EPG5: variants seen among roughly 807,000 people sequenced by gnomAD.
EPG5 encodes the protein ectopic P granules protein 5 homolog.
Under a neutral mutation model 302.7 loss-of-function variants are expected in EPG5, and 159 were observed. The ratio of observed to expected loss-of-function variants is 0.53; its 90% CI spans 0.46 to 0.60. The LOEUF (loss-of-function observed/expected upper bound fraction) is 0.60, where lower values mean the gene tolerates loss of function less well. Ranked by LOEUF, EPG5 falls within the 20% of genes least tolerant of loss-of-function variation. The probability of loss-of-function intolerance (pLI) is 0.00; values close to 1 mark genes in which losing one functional copy is unlikely to be tolerated. For synonymous variants in EPG5, 1,158 were observed against 1,136.8 expected (o/e 1.02, Z -0.37); for missense variants, 2,896 against 3,092.4 (o/e 0.94, Z 1.51).
intron 30 of EPG5, among the ~76,000 whole-genome samples, chr18:45,883,641 T>TG: frequency 7.6e-6 from 1 of 132,110 alleles, no homozygotes; most frequent in East Asian, 2.1e-4. Flanking sequence ...TTTTTTTTTT[T>TG]GTACAGACAG....
chr18:45,946,126 C>G (rs1373219448), intron 7 of EPG5, among the ~76,000 whole-genome samples: 3 of 152,206 alleles, frequency 2.0e-5, no homozygotes, highest in Admixed American at 2.0e-4. Flanking sequence ...CAAGGGTGAT[C>G]TCGAGAAGCT....
the EPG5 span, chr18:45,842,228 G>C: frequency 6.2e-7 from 1 of 1,607,216 alleles, no homozygotes; most frequent in Non-Finnish European, 8.5e-7. Context: ...GCACTGTAAA[G>C]AACAAAGGCC....
chr18:45,866,123 T>TC (rs2048741452), intron 38 of EPG5, among the ~76,000 whole-genome samples: 1 of 79,282 alleles, frequency 1.3e-5, no homozygotes, highest in African/African-American at 9.2e-5. Flanking sequence ...GTACTATTTC[T>TC]TTTTTTTTTT....
chr18:45,919,791 C>T (rs566787221), intron 16 of EPG5, among the ~76,000 whole-genome samples: 97 of 152,280 alleles, frequency 6.4e-4, no homozygotes, highest in African/African-American at 1.6e-3. Flanking sequence ...GGATTACAGG[C>T]GTGAGCCACT....
chr18:45,890,178 T>C (rs1599502723), intron 27 of EPG5: 1 of 332,904 alleles, frequency 3.0e-6, no homozygotes, highest in Non-Finnish European at 5.5e-6. Flanking sequence ...ACACATCCCA[T>C]GTCTTCCACC....
intron 1 of EPG5, among the ~76,000 whole-genome samples, chr18:45,962,133 GTT>G (rs1232080905): frequency 6.6e-6 from 1 of 152,130 alleles, no homozygotes; most frequent in East Asian, 1.9e-4. Context: ...ATCAATGAGT[GTT>G]TGTTTAATAA....
At chr18:45,936,499 G>C (rs776262540) in intron 10 of EPG5, among the ~76,000 whole-genome samples, 1 of 151,978 alleles carries the variant, frequency 6.6e-6, no homozygotes, top group South Asian at 2.1e-4. Context: ...AGGCTGAGGC[G>C]GGCAAATCAC....
At chr18:45,840,116 C>A in the EPG5 span, 2 of 1,422,318 alleles carry the variant, frequency 1.4e-6, no homozygotes, top group Non-Finnish European at 2.0e-6. Flanking sequence ...GTGGTTTCCT[C>A]GAGACCCCTT....
Position 45,910,591 on chromosome 18 carries a change from C to A in EPG5, c.4135G>T (p.Gly1379Trp), listed in dbSNP as rs1346513172. ...GTGCCAGAGTGGCTCTCTGGCAGCC[C>A]TTCACTGCCCTCTGCTGGAACACGG... ...ALRVPAEGSE[G>W]LPESHSGTPG... Residue 1379 changes from glycine to tryptophan, a missense_variant, in exon 23 of 44, where the codon GGG (glycine) becomes TGG (tryptophan). By Grantham distance (184) the Gly-to-Trp change is radical. Around this residue, in one of 5 missense-constraint regions of EPG5, gnomAD observed 790 missense variants for 798.0 expected, o/e 0.99. Coordinates refer to ENST00000282041, the MANE Select transcript of EPG5 (RefSeq NM_020964.3). The A allele has an allele frequency of 6.2e-7, 1 of 1,613,954 alleles. No homozygotes were observed. Among genetic ancestry groups the A allele is most frequent in the South Asian group, 1.1e-5 (1 of 91,072 alleles).
At chr18:45,877,258 T>TA (rs1568113428) in intron 34 of EPG5, among the ~76,000 whole-genome samples, 3 of 151,990 alleles carry the variant, frequency 2.0e-5, no homozygotes, top group Admixed American at 6.5e-5. Flanking sequence ...AAATAAAAAT[T>TA]AAAATTGAAA....
At chr18:45,803,928 T>C in the EPG5 span, among the ~76,000 whole-genome samples, 1 of 152,144 alleles carries the variant, frequency 6.6e-6, no homozygotes. Flanking sequence ...GACAGGAAGA[T>C]GTGATGTATT....
intron 30 of EPG5, 45 bp downstream of exon 30, chr18:45,884,572 A>C (rs572806460): frequency 1.3e-6 from 2 of 1,509,486 alleles, no homozygotes; most frequent in East Asian, 5.0e-5. Flanking sequence ...AGCAACAATC[A>C]TTCCTACGTT....
Position 45,898,994 on chromosome 18 carries a change from A to G in EPG5, c.4809+410T>C, listed in dbSNP as rs1043347891. 7.9e-5 allele frequency among the ~76,000 whole-genome samples: 12 copies of G among 152,230 alleles called. No individual in the cohort carries two copies. The East Asian group carries it at 1.2e-3, about 15-fold the overall frequency. ...ACAGAAATTAGCCGGGCGTGGTGGCAGGTGCCTGTAATCCCAGCTACTCGG... is the reference window on the plus strand; with the variant it reads ...ACAGAAATTAGCCGGGCGTGGTGGCGGGTGCCTGTAATCCCAGCTACTCGG... On this transcript the variant is annotated intron_variant, in intron 27 of 43. Transcript: ENST00000282041.
At chr18:45,839,947 G>A in the EPG5 span, among the ~76,000 whole-genome samples, 20 of 152,234 alleles carry the variant, frequency 1.3e-4, no homozygotes, top group Admixed American at 2.6e-4. Flanking sequence ...TTTCTTGCCC[G>A]TTTCTTGGAA....
At chr18:45,801,190 C>A in the EPG5 span, among the ~76,000 whole-genome samples, 1 of 152,106 alleles carries the variant, frequency 6.6e-6, no homozygotes, top group African/African-American at 2.4e-5. Flanking sequence ...GTGCGTGCTA[C>A]CACACCTGGC....
At position 45,922,480 on chromosome 18, in the gene EPG5, T is replaced by A. The variant is rs1599578626; in HGVS notation, c.2959A>T (p.Asn987Tyr). The A allele has an allele frequency of 1.2e-6, 2 of 1,614,104 alleles. No individual in the cohort carries two copies. The highest frequency in any genetic ancestry group is 1.3e-5 in the African/African-American group (1 of 74,942). Residue 987 changes from asparagine (N) to tyrosine (Y), a missense_variant, in exon 16 of 44, where the codon AAT becomes TAT. Physicochemically the swap from Asn to Tyr is moderately radical, Grantham distance 143. This residue lies in a region of EPG5 where 1,390 missense variants were observed against 1,430.0 expected (regional missense o/e 0.97). Coordinates refer to ENST00000282041, the MANE Select transcript of EPG5 (RefSeq NM_020964.3). ...LHKNDYGIQP[N>Y]CPAVPFSVTV... ...ACGGAGAAGGGAACAGCTGGACAAT[T>A]CGGCTGTATTCCATAATCGTTTTTG...
the EPG5 span, among the ~76,000 whole-genome samples, chr18:45,820,109 AT>A: frequency 6.6e-6 from 1 of 152,082 alleles, no homozygotes; most frequent in African/African-American, 2.4e-5. Context: ...CATGTGATGG[AT>A]AGGGTAGAGG....
chr18:45,916,331 C>A, intron 18 of EPG5, 107 bp downstream of exon 18: 1 of 1,536,032 alleles, frequency 6.5e-7, no homozygotes, highest in South Asian at 1.3e-5. Flanking sequence ...GCCAAAAGCA[C>A]ACTAAGCCAA....
intron 35 of EPG5, among the ~76,000 whole-genome samples, chr18:45,875,179 G>A (rs768636305): frequency 6.6e-6 from 1 of 152,106 alleles, no homozygotes; most frequent in Non-Finnish European, 1.5e-5. Context: ...CTCTCTGGAG[G>A]ACTTACACAC....
Sources: allele counts gnomAD v4.1 joint callset (sites outside exome capture counted in the v4.1 genomes callset), GRCh38; gene constraint gnomAD v4.1.1; regional missense constraint gnomAD v4.1.1; transcripts MANE v1.5; gene names NCBI Gene and HGNC (gene_info 2026-07-23, HGNC 2026-07-21).